The following CXCL13 variants were observed in gnomAD, a reference collection of about 807,000 sequenced individuals.
The protein encoded by CXCL13 is C-X-C motif chemokine 13.
A neutral mutation model predicts 12.2 loss-of-function variants in CXCL13; 7 were observed. That is an observed-to-expected ratio of 0.57 (90% CI 0.33 to 1.07). The LOEUF (loss-of-function observed/expected upper bound fraction) is 1.07. CXCL13 is among the 50% of genes least tolerant of loss of function. The pLI is 0.04. For synonymous variants in CXCL13, 47 were observed against 42.4 expected, an observed-to-expected ratio of 1.11 and a Z score of -0.42; for missense variants, 113 against 127.4, an observed-to-expected ratio of 0.89 and a Z score of 0.55.
intron 1 of CXCL13, among the ~76,000 whole-genome samples, chr4:77,574,764 TTG>T (rs1157279461): frequency 1.3e-5 from 2 of 151,780 alleles, no homozygotes; most frequent in African/African-American, 2.4e-5. Context: ...TAGATATCCG[TTG>T]TGTGTGTGAT....
chr4:77,596,692 G>A lies in CXCL13; in HGVS notation c.-42-9132G>A, dbSNP rs868312119. On this transcript the variant is annotated intron_variant, in intron 1 of 4. Coordinates refer to the CXCL13 transcript ENST00000286758. ...CCCAGCTACTGGGGAGGTTGAGGCA[G>A]GAGAATCATTGGAACCCGGGAGGCA... Among the ~76,000 whole-genome samples the A allele has an allele frequency of 1.3e-4, 19 of 151,670 alleles. No individual in the cohort carries two copies. The Middle Eastern group carries it at 0.014, about 109-fold the overall frequency.
intron 1 of CXCL13, among the ~76,000 whole-genome samples, chr4:77,537,357 C>T (rs1725084434): frequency 1.3e-5 from 2 of 152,146 alleles, no homozygotes; most frequent in Admixed American, 1.3e-4. Flanking sequence ...AGGAGCAAGC[C>T]AGGGGAAATC....
intron 1 of CXCL13, among the ~76,000 whole-genome samples, chr4:77,534,459 A>G (rs1209062428): frequency 6.6e-6 from 1 of 152,220 alleles, no homozygotes; most frequent in Non-Finnish European, 1.5e-5. Context: ...ATCTCCAGAG[A>G]ATTATGCTGA....
chr4:77,539,412 C>T (rs537802196), intron 1 of CXCL13, among the ~76,000 whole-genome samples: 215 of 152,336 alleles, frequency 1.4e-3, no homozygotes, highest in African/African-American at 4.9e-3. Context: ...CAAGCATGAG[C>T]CACTGCACCT....
At chr4:77,606,155 G>C (rs2270857) in intron 1 of CXCL13, among the ~76,000 whole-genome samples, 16,212 of 152,126 alleles carry the variant, frequency 0.11, 1,310 homozygotes, top group African/African-American at 0.23. Flanking sequence ...GATACCACAA[G>C]TCCAATATTC....
At chr4:77,579,689 C>T (rs1726272868) in intron 1 of CXCL13, among the ~76,000 whole-genome samples, 1 of 152,008 alleles carries the variant, frequency 6.6e-6, no homozygotes, top group Admixed American at 6.6e-5. Flanking sequence ...GTGCCAAGCC[C>T]TAGAAATTAG....
At chr4:77,574,948 G>A (rs1333027976) in intron 1 of CXCL13, among the ~76,000 whole-genome samples, 1 of 151,946 alleles carries the variant, frequency 6.6e-6, no homozygotes, top group Non-Finnish European at 1.5e-5. Flanking sequence ...TTGTCAAAAT[G>A]TAAATATTTA....
chr4:77,513,838 G>A (rs1338316024), intron 1 of CXCL13, among the ~76,000 whole-genome samples: 2 of 149,348 alleles, frequency 1.3e-5, no homozygotes, highest in Non-Finnish European at 3.0e-5. Flanking sequence ...AAGTTTTAGG[G>A]TACATGTGCA....
At chr4:77,599,103 C>G (rs1036475767) in intron 1 of CXCL13, among the ~76,000 whole-genome samples, 1 of 151,860 alleles carries the variant, frequency 6.6e-6, no homozygotes, top group Admixed American at 6.6e-5. Flanking sequence ...GCCACCGCAC[C>G]CGGCCAGCCC....
At chr4:77,513,486 C>G (rs1204220633) in intron 1 of CXCL13, among the ~76,000 whole-genome samples, 2 of 151,186 alleles carry the variant, frequency 1.3e-5, no homozygotes, top group Non-Finnish European at 2.9e-5. Context: ...GAGTCTCACT[C>G]TATTGCCCAG....
chr4:77,540,622 AG>A (rs1233308173), intron 1 of CXCL13, among the ~76,000 whole-genome samples: 3 of 152,146 alleles, frequency 2.0e-5, no homozygotes, highest in Admixed American at 1.3e-4. Flanking sequence ...ATGGCTGTGT[AG>A]TACTCTATGG....
chr4:77,602,642 C>CA (rs544667361), upstream of CXCL13, among the ~76,000 whole-genome samples: 693 of 140,192 alleles, frequency 4.9e-3, 2 homozygotes, highest in Non-Finnish European at 5.6e-3. Flanking sequence ...CAAAGTGAAG[C>CA]AAAAAAAAAA....
upstream of CXCL13, among the ~76,000 whole-genome samples, chr4:77,605,072 A>G (rs1375062789): frequency 6.6e-6 from 1 of 152,076 alleles, no homozygotes; most frequent in East Asian, 1.9e-4. Flanking sequence ...TTCACCCTCT[A>G]ATGCAGTTCT....
At chr4:77,604,507 G>A (rs1046313563), upstream of CXCL13, among the ~76,000 whole-genome samples, 1 of 151,510 alleles carries the variant, frequency 6.6e-6, no homozygotes, top group Admixed American at 6.6e-5. Context: ...GTTGTGATAA[G>A]GGGTTGAATT....
chr4:77,541,651 C>A (rs571317429), intron 1 of CXCL13, among the ~76,000 whole-genome samples: 98 of 152,192 alleles, frequency 6.4e-4, no homozygotes, highest in Admixed American at 1.8e-3. Flanking sequence ...AGTGTGATGG[C>A]TCTGGCTTTT....
intron 1 of CXCL13, among the ~76,000 whole-genome samples, chr4:77,516,232 G>A (rs1449869328): frequency 1.3e-5 from 2 of 152,074 alleles, no homozygotes; most frequent in Non-Finnish European, 2.9e-5. Flanking sequence ...GAGGATTTTT[G>A]CATCAATGTT....
At chr4:77,599,099 G>A (rs149613278) in intron 1 of CXCL13, among the ~76,000 whole-genome samples, 89 of 151,896 alleles carry the variant, frequency 5.9e-4, no homozygotes, top group African/African-American at 2.0e-3. Flanking sequence ...ATGAGCCACC[G>A]CACCCGGCCA....
intron 1 of CXCL13, among the ~76,000 whole-genome samples, chr4:77,559,655 G>C (rs1222888392): frequency 2.0e-5 from 3 of 151,988 alleles, no homozygotes; most frequent in African/African-American, 7.2e-5. Context: ...AGGCGCAGTG[G>C]CTCACACCTG....
chr4:77,554,168 C>T (rs941508714), intron 1 of CXCL13, among the ~76,000 whole-genome samples: 2 of 152,016 alleles, frequency 1.3e-5, no homozygotes, highest in African/African-American at 2.4e-5. Flanking sequence ...AACAGCATTC[C>T]CTCATCAATT....
Sources: allele counts gnomAD v4.1 joint callset (sites outside exome capture counted in the v4.1 genomes callset), GRCh38; gene constraint gnomAD v4.1.1; transcripts MANE v1.5; gene names NCBI Gene and HGNC (gene_info 2026-07-23, HGNC 2026-07-21).